Variants in PPFIA2 observed in about 807,000 individuals in gnomAD.
PPFIA2 encodes the protein liprin-alpha-2.
PPFIA2 carries 46 observed loss-of-function variants against 175.5 expected under a neutral mutation model. The observed-to-expected ratio is 0.26, with a 90% CI of 0.21 to 0.34. The LOEUF (loss-of-function observed/expected upper bound fraction) is 0.34, where lower values mean the gene tolerates loss of function less well. Ranked by LOEUF, PPFIA2 falls within the 10% of genes least tolerant of loss-of-function variation. The probability of loss-of-function intolerance (pLI) is 1.00; values close to 1 mark genes in which losing one functional copy is unlikely to be tolerated. For synonymous variants in PPFIA2, 568 were observed against 511.4 expected (o/e 1.11, Z -1.49); for missense variants, 1,179 against 1,506.1 (o/e 0.78, Z 3.60).
intron 8 of PPFIA2, among the ~76,000 whole-genome samples, chr12:81,395,604 C>A (rs1418769241): frequency 2.0e-5 from 3 of 151,944 alleles, no homozygotes; most frequent in Non-Finnish European, 4.4e-5. Flanking sequence ...CTTCTTTCCA[C>A]AAGGAATGTA....
At chr12:81,372,636 A>G (rs1460559737) in intron 11 of PPFIA2, among the ~76,000 whole-genome samples, 1 of 151,018 alleles carries the variant, frequency 6.6e-6, no homozygotes, top group African/African-American at 2.4e-5. Context: ...GTGATCCTCA[A>G]ATGTTTAAAA....
chr12:81,487,061 G>C (rs2058904563), intron 4 of PPFIA2, among the ~76,000 whole-genome samples: 1 of 151,862 alleles, frequency 6.6e-6, no homozygotes, highest in Non-Finnish European at 1.5e-5. Context: ...TCCTTAGAAA[G>C]TTTCCCTTAG....
rs1567689313 is a variant in PPFIA2, at chr12:81,642,764, A to ATGTAT, written c.303+34026_303+34027insATACA. On this transcript the variant is annotated intron_variant, in intron 4 of 32. Coordinates refer to ENST00000549396, the MANE Select transcript of PPFIA2 (RefSeq NM_003625.5). ...ATGTATGTATTATATACATACATGT[A>ATGTAT]TATGTATGTATGTATTATATACATA... Among the ~76,000 whole-genome samples the ATGTAT allele has an allele frequency of 4.5e-3, 53 of 11,742 alleles. 13 individuals carry two copies. The highest frequency in any genetic ancestry group is 0.015 in the East Asian group (10 of 674). The allele number at this position is 11,742 out of a possible 152,430, so 7.7% of individuals were successfully genotyped here.
At chr12:81,453,981 G>A (rs1289468652) in intron 5 of PPFIA2, among the ~76,000 whole-genome samples, 3 of 152,156 alleles carry the variant, frequency 2.0e-5, no homozygotes, top group East Asian at 1.9e-4. Context: ...ACTTTGGGAG[G>A]TGAAGACGGG....
At chr12:81,619,288 TA>T (rs2061762835) in intron 4 of PPFIA2, among the ~76,000 whole-genome samples, 1 of 152,212 alleles carries the variant, frequency 6.6e-6, no homozygotes, top group Non-Finnish European at 1.5e-5. Context: ...AATAGATCTA[TA>T]AAGTGTGGTT....
intron 22 of PPFIA2, among the ~76,000 whole-genome samples, chr12:81,319,236 G>A (rs1381061822): frequency 6.6e-6 from 1 of 151,556 alleles, no homozygotes; most frequent in African/African-American, 2.4e-5. Flanking sequence ...CCTCTAAATA[G>A]ATCAAATATA....
At chr12:81,422,122 ATG>A in intron 7 of PPFIA2, among the ~76,000 whole-genome samples, 1 of 137,142 alleles carries the variant, frequency 7.3e-6, no homozygotes, top group Non-Finnish European at 1.5e-5. Flanking sequence ...GTGTATATAT[ATG>A]TGTGTATATA....
chr12:81,434,254 A>G (rs2048596100), intron 7 of PPFIA2, among the ~76,000 whole-genome samples: 1 of 152,096 alleles, frequency 6.6e-6, no homozygotes, highest in African/African-American at 2.4e-5. Flanking sequence ...ATATTAATAT[A>G]GCATAATAGA....
At chr12:81,300,631 A>G (rs2047583871) in intron 22 of PPFIA2, among the ~76,000 whole-genome samples, 1 of 152,172 alleles carries the variant, frequency 6.6e-6, no homozygotes, top group Non-Finnish European at 1.5e-5. Context: ...TAAGTTCTGC[A>G]TGTAAGCTAT....
intron 4 of PPFIA2, among the ~76,000 whole-genome samples, chr12:81,493,036 T>G (rs1393727000): frequency 6.6e-6 from 1 of 152,008 alleles, no homozygotes; most frequent in East Asian, 1.9e-4. Flanking sequence ...TGATGGAAGA[T>G]GACTCAGAGT....
At chr12:81,538,783 G>A (rs935688407) in intron 4 of PPFIA2, among the ~76,000 whole-genome samples, 1 of 151,868 alleles carries the variant, frequency 6.6e-6, no homozygotes, top group African/African-American at 2.4e-5. Context: ...GTCAGAGCAT[G>A]AGTCGTGTCC....
intron 3 of PPFIA2, among the ~76,000 whole-genome samples, chr12:81,729,071 T>C (rs2080477068): frequency 6.6e-6 from 1 of 151,532 alleles, no homozygotes; most frequent in Admixed American, 6.6e-5. Context: ...GTTTTGGAAG[T>C]GAATGGACCC....
At chr12:81,645,783 C>G (rs150488067) in intron 4 of PPFIA2, among the ~76,000 whole-genome samples, 1 of 152,174 alleles carries the variant, frequency 6.6e-6, no homozygotes, top group Non-Finnish European at 1.5e-5. Context: ...TAAGACCTAG[C>G]GTGGGCTATC....
chr12:81,294,743 G>C, intron 24 of PPFIA2, 92 bp downstream of exon 24: 2 of 1,170,530 alleles, frequency 1.7e-6, no homozygotes, highest in South Asian at 2.7e-5. Context: ...AGCTGACATT[G>C]AAATGTGTGC....
chr12:81,648,313 C>T (rs745467196), intron 4 of PPFIA2, among the ~76,000 whole-genome samples: 1 of 151,666 alleles, frequency 6.6e-6, no homozygotes, highest in Non-Finnish European at 1.5e-5. Context: ...AAATGAAACA[C>T]AACAAAGTAT....
At chr12:81,417,206 C>T (rs1351847841) in intron 7 of PPFIA2, 3 of 151,708 alleles carry the variant, frequency 2.0e-5, no homozygotes, top group African/African-American at 4.8e-5. Flanking sequence ...TCCAAACACA[C>T]TATAATTCCA....
At chr12:81,287,267 A>G (rs1476983987) in intron 24 of PPFIA2, among the ~76,000 whole-genome samples, 1 of 151,942 alleles carries the variant, frequency 6.6e-6, no homozygotes, top group Non-Finnish European at 1.5e-5. Flanking sequence ...AATAATGAAG[A>G]TCTCATTACT....
chr12:81,735,899 G>A (rs943204808), intron 3 of PPFIA2, among the ~76,000 whole-genome samples: 1 of 151,808 alleles, frequency 6.6e-6, no homozygotes, highest in Non-Finnish European at 1.5e-5. Flanking sequence ...AATCTACGGG[G>A]TTATTCTTGT....
At chr12:81,691,292 CTA>C (rs1262984565) in intron 3 of PPFIA2, among the ~76,000 whole-genome samples, 1 of 152,120 alleles carries the variant, frequency 6.6e-6, no homozygotes, top group Non-Finnish European at 1.5e-5. Flanking sequence ...TATTATCATT[CTA>C]TGTGTTTTCT....
Sources: gnomAD v4.1 joint callset for allele counts (sites outside exome capture counted in the v4.1 genomes callset) on GRCh38, gnomAD v4.1.1 for gene constraint, MANE v1.5 for transcripts, NCBI Gene and HGNC (gene_info 2026-07-23, HGNC 2026-07-21) for gene names.